SORCS3: variants seen among roughly 807,000 people sequenced by gnomAD.
The protein encoded by SORCS3 is VPS10 domain-containing receptor SorCS3.
SORCS3 carries 57 observed loss-of-function variants against 146.3 expected under a neutral mutation model. The ratio of observed to expected loss-of-function variants is 0.39; its 90% CI spans 0.31 to 0.49. SORCS3 has a LOEUF of 0.49. SORCS3 is among the 20% of genes least tolerant of loss of function. SORCS3 has a pLI of 0.92. For missense variants in SORCS3, 1,341 were observed against 1,575.5 expected (o/e 0.85, Z 2.52); for synonymous variants, 653 against 618.5 (o/e 1.06, Z -0.83).
chr10:104,890,384 A>G lies in SORCS3; in HGVS notation c.696-25449A>G, dbSNP rs185202636. Reference sequence around the variant, plus strand: ...GTTTCATTTTGGTATGCAAATAAATAGAAAAAACTTATTTTTTCTATGTTT... The same window carrying G: ...GTTTCATTTTGGTATGCAAATAAATGGAAAAAACTTATTTTTTCTATGTTT... On this transcript the variant is annotated intron_variant, in intron 2 of 26. Coordinates refer to ENST00000369701, the MANE Select transcript of SORCS3 (RefSeq NM_014978.3). Among the ~76,000 whole-genome samples, 330 of 152,244 alleles carry G rather than the reference A, an allele frequency of 2.2e-3. 2 individuals carry two copies. Among genetic ancestry groups the G allele is most frequent in the African/African-American group, 7.6e-3 (316 of 41,550 alleles).
intron 25 of SORCS3, among the ~76,000 whole-genome samples, chr10:105,258,052 C>T (rs1156493781): frequency 3.9e-5 from 6 of 152,156 alleles, no homozygotes; most frequent in Non-Finnish European, 5.9e-5. Context: ...CTTGACTCTT[C>T]CTGCCCCCCT....
chr10:105,077,119 A>C (rs1030276525), intron 5 of SORCS3, among the ~76,000 whole-genome samples: 4 of 152,210 alleles, frequency 2.6e-5, no homozygotes, highest in African/African-American at 7.2e-5. Flanking sequence ...AAATTAGACC[A>C]TATAGTTTTC....
chr10:105,169,161 T>G (rs1305872188), intron 13 of SORCS3, among the ~76,000 whole-genome samples: 1 of 152,132 alleles, frequency 6.6e-6, no homozygotes, highest in East Asian at 1.9e-4. Context: ...GTTAAATACC[T>G]TTCTCAAGGC....
intron 9 of SORCS3, among the ~76,000 whole-genome samples, 190 bp downstream of exon 9, chr10:105,147,986 A>G (rs1322944713): frequency 6.6e-6 from 1 of 152,054 alleles, no homozygotes; most frequent in Non-Finnish European, 1.5e-5. Flanking sequence ...TACCAAGGAG[A>G]TTATTGTGAG....
intron 1 of SORCS3, among the ~76,000 whole-genome samples, chr10:104,766,021 C>A: frequency 6.6e-6 from 1 of 152,198 alleles, no homozygotes; most frequent in East Asian, 1.9e-4. Context: ...TAGGGATTTG[C>A]TTTGTTTCTT....
At chr10:104,702,310 G>T (rs1209517803) in intron 1 of SORCS3, among the ~76,000 whole-genome samples, 1 of 152,108 alleles carries the variant, frequency 6.6e-6, no homozygotes, top group Non-Finnish European at 1.5e-5. Flanking sequence ...TTGAGACCTA[G>T]TCTCTCTTTG....
In SORCS3 at chr10:104,671,325, C is replaced by CTTTTTTTTTTTTTTTTTTTTTTTTTTT. The variant is rs771029154; in HGVS notation, c.627+29372_627+29398dup. 9.9e-4 allele frequency among the ~76,000 whole-genome samples: 19 copies of CTTTTTTTTTTTTTTTTTTTTTTTTTTT among 19,202 alleles called. 8 individuals carry two copies. Among genetic ancestry groups the CTTTTTTTTTTTTTTTTTTTTTTTTTTT allele is most frequent in the Non-Finnish European group, 1.7e-3 (19 of 11,212 alleles). 12.6% of individuals were successfully genotyped at this position (19,202 alleles called of 152,430 possible). A position where few individuals can be genotyped will look rare whatever the true frequency, so the allele number is the denominator to read the frequency against. Reference sequence around the variant, plus strand: ...ATGTTAAGGTAGTTTCATTCTTTTCCTTTTTTTTTTTTTTTTTTTTTTTTT... The same window carrying CTTTTTTTTTTTTTTTTTTTTTTTTTTT: ...ATGTTAAGGTAGTTTCATTCTTTTCCTTTTTTTTTTTTTTTTTTTTTTTTTTTTTTTTTTTTTTTTTTTTTTTTTTTT... On this transcript the variant is annotated intron_variant, in intron 1 of 26. Transcript: ENST00000369701.
At chr10:105,236,836 A>G (rs2056795478) in intron 20 of SORCS3, among the ~76,000 whole-genome samples, 1 of 152,146 alleles carries the variant, frequency 6.6e-6, no homozygotes, top group African/African-American at 2.4e-5. Flanking sequence ...CTCTAAAGCA[A>G]GGATACTATA....
At chr10:105,141,095 G>A (rs1358862475) in intron 8 of SORCS3, among the ~76,000 whole-genome samples, 1 of 152,108 alleles carries the variant, frequency 6.6e-6, no homozygotes, top group African/African-American at 2.4e-5. Context: ...CTGTATTTGT[G>A]CATCTTTTAT....
intron 4 of SORCS3, among the ~76,000 whole-genome samples, chr10:105,029,139 C>A (rs1170006932): frequency 6.6e-6 from 1 of 152,144 alleles, no homozygotes; most frequent in Non-Finnish European, 1.5e-5. Context: ...CTACCTCTGG[C>A]CAGGTATTCT....
At chr10:104,901,989 T>C (rs1004110776) in intron 2 of SORCS3, among the ~76,000 whole-genome samples, 1 of 152,220 alleles carries the variant, frequency 6.6e-6, no homozygotes, top group African/African-American at 2.4e-5. Flanking sequence ...AGAAGCCATT[T>C]GGAGCTTGAT....
chr10:105,138,774 G>A (rs190276754), intron 7 of SORCS3, among the ~76,000 whole-genome samples: 1 of 152,152 alleles, frequency 6.6e-6, no homozygotes, highest in African/African-American at 2.4e-5. Context: ...ACAGAGTTCA[G>A]ACTCAAACCC....
chr10:105,202,736 C>A (rs1223937772), intron 16 of SORCS3, among the ~76,000 whole-genome samples: 1 of 152,106 alleles, frequency 6.6e-6, no homozygotes, highest in Non-Finnish European at 1.5e-5. Context: ...GAACATTGTT[C>A]CTTTTAGGAG....
chr10:104,674,207 A>T (rs1051827733), intron 1 of SORCS3, among the ~76,000 whole-genome samples: 1 of 152,192 alleles, frequency 6.6e-6, no homozygotes, highest in Non-Finnish European at 1.5e-5. Flanking sequence ...TATAAATGGA[A>T]TAAGATAGCA....
intron 1 of SORCS3, among the ~76,000 whole-genome samples, chr10:104,768,783 T>G (rs1348327343): frequency 6.6e-6 from 1 of 152,224 alleles, no homozygotes; most frequent in Non-Finnish European, 1.5e-5. Context: ...CTACTTTCTC[T>G]GCCTAATTAG....
intron 13 of SORCS3, among the ~76,000 whole-genome samples, chr10:105,173,524 A>G (rs958687804): frequency 4.6e-5 from 7 of 151,982 alleles, no homozygotes; most frequent in African/African-American, 1.7e-4. Context: ...TTTTTCCACT[A>G]TTAATAATCT....
At chr10:105,183,765 C>G (rs1299969010) in intron 14 of SORCS3, among the ~76,000 whole-genome samples, 1 of 152,128 alleles carries the variant, frequency 6.6e-6, no homozygotes, top group African/African-American at 2.4e-5. Flanking sequence ...AAAGCAGAAT[C>G]CATGCCTGCA....
chr10:104,826,514 T>C (rs2017937147), intron 1 of SORCS3, among the ~76,000 whole-genome samples: 1 of 152,242 alleles, frequency 6.6e-6, no homozygotes, highest in Non-Finnish European at 1.5e-5. Context: ...TACTGTCATC[T>C]ATTAAGTGTT....
intron 1 of SORCS3, among the ~76,000 whole-genome samples, chr10:104,797,266 C>A (rs2133505420): frequency 6.6e-6 from 1 of 152,282 alleles, no homozygotes; most frequent in South Asian, 2.1e-4. Context: ...TAAAATGAAA[C>A]ATTTAGTGAC....
Sources: gnomAD v4.1 joint callset for allele counts (sites outside exome capture counted in the v4.1 genomes callset) on GRCh38, gnomAD v4.1.1 for gene constraint, MANE v1.5 for transcripts, NCBI Gene and HGNC (gene_info 2026-07-23, HGNC 2026-07-21) for gene names.